HTR4: variants seen among roughly 807,000 people sequenced by gnomAD.
HTR4 encodes the protein 5-hydroxytryptamine receptor 4, also known as 5-hydroxytryptamine (serotonin) receptor 4, G protein-coupled.
A neutral mutation model predicts 36.8 loss-of-function variants in HTR4; 16 were observed. The observed-to-expected ratio is 0.43, with a 90% confidence interval of 0.29 to 0.66. The LOEUF (loss-of-function observed/expected upper bound fraction) is 0.66. Among genes scored for constraint, HTR4 ranks in the 30% least tolerant of loss-of-function variants. The pLI is 0.13. For synonymous variants in HTR4, 189 were observed against 185.1 expected (o/e 1.02, Z -0.17); for missense variants, 438 against 490.9 (o/e 0.89, Z 1.02).
chr5:148,490,633 A>C, intron 6 of HTR4: 5 of 1,172,308 alleles, frequency 4.3e-6, no homozygotes, highest in Non-Finnish European at 5.3e-6. Context: ...ATGAACATTC[A>C]GTTCTTCCAG....
At chr5:148,635,287 T>G (rs1275315403) in intron 2 of HTR4, among the ~76,000 whole-genome samples, 1 of 152,174 alleles carries the variant, frequency 6.6e-6, no homozygotes, top group African/African-American at 2.4e-5. Flanking sequence ...CATCTTTTAT[T>G]ATGGACATTC....
Position 148,482,089 on chromosome 5 carries a change from C to T in HTR4, c.*1114G>A, listed in dbSNP as rs1755912972. ...AAGAACACTATTCAAGATCTCACAG[C>T]TTGTTTGCAGCACAGCCAGGGCGGC... On this transcript the variant is annotated 3_prime_UTR_variant, in exon 7 of 7. Coordinates refer to ENST00000377888, the MANE Select transcript of HTR4 (RefSeq NM_000870.7). 1 of 983,014 alleles carries T rather than the reference C, an allele frequency of 1.0e-6. No homozygotes were observed. The highest frequency in any genetic ancestry group is 1.7e-5 in the African/African-American group (1 of 57,292). The allele number at this position is 983,014 out of a possible 1,614,324, so 60.9% of individuals were successfully genotyped here.
At chr5:148,466,499 C>G (rs1046263278) in intron 5 of HTR4, among the ~76,000 whole-genome samples, 2 of 152,070 alleles carry the variant, frequency 1.3e-5, no homozygotes, top group African/African-American at 2.4e-5. Context: ...GGGAAAGGAG[C>G]CATGACGTAC....
chr5:148,459,865 CTG>C (rs1436359771), intron 5 of HTR4, among the ~76,000 whole-genome samples: 2 of 152,088 alleles, frequency 1.3e-5, no homozygotes, highest in Non-Finnish European at 2.9e-5. Flanking sequence ...CTTAAAACAA[CTG>C]TGATTAATAT....
At chr5:148,526,245 G>T (rs1047157556) in intron 4 of HTR4, among the ~76,000 whole-genome samples, 3 of 152,170 alleles carry the variant, frequency 2.0e-5, no homozygotes, top group African/African-American at 7.2e-5. Flanking sequence ...TGCAAGAAAA[G>T]TATACCACTT....
chr5:148,586,114 T>C (rs1168827408), intron 2 of HTR4, among the ~76,000 whole-genome samples: 6 of 152,146 alleles, frequency 3.9e-5, no homozygotes, highest in African/African-American at 1.4e-4. Context: ...TAACTTTTTT[T>C]CCACATGTTT....
At chr5:148,474,337 G>A (rs963253889), downstream of HTR4, among the ~76,000 whole-genome samples, 1 of 151,890 alleles carries the variant, frequency 6.6e-6, no homozygotes, top group African/African-American at 2.4e-5. Context: ...GGGGTGGTGT[G>A]GGGGGGCTGA....
At chr5:148,480,077 T>G (rs915943377), downstream of HTR4, among the ~76,000 whole-genome samples, 23 of 152,198 alleles carry the variant, frequency 1.5e-4, no homozygotes, top group Non-Finnish European at 1.0e-4. Context: ...TTTGTATATA[T>G]ATAATTTATA....
At chr5:148,521,435 T>C (rs1212603488) in intron 5 of HTR4, among the ~76,000 whole-genome samples, 2 of 152,006 alleles carry the variant, frequency 1.3e-5, no homozygotes, top group Admixed American at 6.6e-5. Context: ...TCATGCTGCC[T>C]TACTGCCTTC....
chr5:148,457,953 A>T (rs1755152118), intron 5 of HTR4, among the ~76,000 whole-genome samples: 1 of 133,728 alleles, frequency 7.5e-6, no homozygotes. Flanking sequence ...GATATATTAA[A>T]TATATATTAA....
At chr5:148,574,406 TCTCA>T (rs1308763661) in intron 2 of HTR4, among the ~76,000 whole-genome samples, 1 of 151,880 alleles carries the variant, frequency 6.6e-6, no homozygotes, top group Non-Finnish European at 1.5e-5. Flanking sequence ...TCTCTCTCTC[TCTCA>T]CTCACACACA....
chr5:148,588,393 T>C (rs1309237508), intron 2 of HTR4, among the ~76,000 whole-genome samples: 2 of 152,168 alleles, frequency 1.3e-5, no homozygotes, highest in African/African-American at 4.8e-5. Flanking sequence ...AAGGTTAAAT[T>C]CTGGGAGGGT....
intron 4 of HTR4, among the ~76,000 whole-genome samples, chr5:148,541,348 C>A (rs1295350358): frequency 6.6e-6 from 1 of 152,166 alleles, no homozygotes; most frequent in Non-Finnish European, 1.5e-5. Flanking sequence ...ATGCATGGAA[C>A]AGCTATTATG....
chr5:148,527,916 C>A (rs574864911), intron 4 of HTR4, among the ~76,000 whole-genome samples: 1 of 152,268 alleles, frequency 6.6e-6, no homozygotes, highest in African/African-American at 2.4e-5. Context: ...ACCTGGCCCC[C>A]TTACACATTT....
At chr5:148,452,150 T>G (rs866265662) in intron 5 of HTR4, among the ~76,000 whole-genome samples, 1 of 152,258 alleles carries the variant, frequency 6.6e-6, no homozygotes, top group African/African-American at 2.4e-5. Flanking sequence ...ATTGTTGATT[T>G]GTATTGACAA....
Position 148,482,293 on chromosome 5 carries a change from A to G in HTR4, c.*910T>C, listed in dbSNP as rs201186530. 1.0e-5 allele frequency: 10 copies of G among 985,384 alleles called. No homozygotes were observed. The highest frequency in any genetic ancestry group is 5.2e-4 in the Middle Eastern group (1 of 1,936). 61.0% of individuals were successfully genotyped at this position (985,384 alleles called of 1,614,324 possible). A position where few individuals can be genotyped will look rare whatever the true frequency, so the allele number is the denominator to read the frequency against. ...GATTGAAGGGTTTCAAAATGATATC[A>G]CAAGTTCATGGGAAAGATCCTGAAG... is the stretch of plus-strand genomic sequence containing the variant. On this transcript the variant is annotated 3_prime_UTR_variant, in exon 7 of 7. Transcript: ENST00000377888.
At chr5:148,617,748 T>G (rs911484020) in intron 2 of HTR4, among the ~76,000 whole-genome samples, 3 of 152,154 alleles carry the variant, frequency 2.0e-5, no homozygotes, top group African/African-American at 7.2e-5. Context: ...ATTACAGGCA[T>G]GAGCCACGGC....
chr5:148,526,058 A>C (rs1250778242), intron 4 of HTR4, among the ~76,000 whole-genome samples: 1 of 152,170 alleles, frequency 6.6e-6, no homozygotes, highest in Non-Finnish European at 1.5e-5. Flanking sequence ...GGCAAGAAAG[A>C]ATCCTTCCCC....
In HTR4 at chr5:148,468,906, T is replaced by C. The variant is rs190993309; in HGVS notation, c.1077-17634A>G. Among the ~76,000 whole-genome samples the C allele has an allele frequency of 2.6e-5, 4 of 152,196 alleles. No homozygotes were observed. The East Asian group carries it at 5.8e-4, about 22-fold the overall frequency. Reference sequence around the variant, plus strand: ...TCTGATAGTTTTATAAGAGACTTTTTCCCCTTTTGCTAGGGACTTCTGCTT... The same window carrying C: ...TCTGATAGTTTTATAAGAGACTTTTCCCCCTTTTGCTAGGGACTTCTGCTT... On this transcript the variant is annotated intron_variant, in intron 5 of 5. Transcript: ENST00000521530.
Sources: gnomAD v4.1 joint callset for allele counts (sites outside exome capture counted in the v4.1 genomes callset) on GRCh38, gnomAD v4.1.1 for gene constraint, MANE v1.5 for transcripts, NCBI Gene and HGNC (gene_info 2026-07-23, HGNC 2026-07-21) for gene names.